BRD4: variants seen among roughly 807,000 people sequenced by gnomAD.
BRD4 encodes bromodomain-containing protein 4.
Under a neutral mutation model 142.1 loss-of-function variants are expected in BRD4, and 16 were observed. That is an observed-to-expected ratio of 0.11 (90% CI 0.08 to 0.17). BRD4 has a LOEUF of 0.17. BRD4 is among the 10% of genes least tolerant of loss of function. The pLI is 1.00. For synonymous variants in BRD4, 833 were observed against 707.5 expected (o/e 1.18, Z -2.82); for missense variants, 1,424 against 1,810.9 (o/e 0.79, Z 3.88).
intron 1 of BRD4, among the ~76,000 whole-genome samples, chr19:15,279,419 T>C (rs1324001687): frequency 3.9e-5 from 6 of 152,186 alleles, no homozygotes; most frequent in Non-Finnish European, 8.8e-5. Context: ...ACTTGCAAAG[T>C]GGATGGCAGC....
chr19:15,310,454 G>T (rs570582874), intron 1 of BRD4, among the ~76,000 whole-genome samples: 2 of 142,334 alleles, frequency 1.4e-5, no homozygotes, highest in Non-Finnish European at 3.0e-5. Flanking sequence ...TCCGCCTCCC[G>T]GGTTCACGCC....
Position 15,264,780 on chromosome 19 carries a change from G to A in BRD4, c.850-14C>T, listed in dbSNP as rs776975610. The A allele has an allele frequency of 3.8e-6, 6 of 1,586,390 alleles. No individual in the cohort carries two copies. The highest frequency in any genetic ancestry group is 4.5e-5 in the East Asian group (2 of 44,454). The stretch of plus-strand genomic sequence containing the variant: ...TCCCTTCTTTGTCTGCCAAGAACAC[G>A]GACGCCAACAGGCACAGTCAGAAGT... On this transcript the variant is annotated splice_polypyrimidine_tract_variant and intron_variant, in intron 5 of 19. Coordinates refer to ENST00000679869, the MANE Select transcript of BRD4 (RefSeq NM_001379291.1).
intron 7 of BRD4, among the ~76,000 whole-genome samples, chr19:15,261,030 T>C (rs1007686341): frequency 2.0e-5 from 3 of 152,182 alleles, no homozygotes; most frequent in Non-Finnish European, 4.4e-5. Context: ...GTTCTTCCTA[T>C]GAGAGTAGAT....
chr19:15,292,794 A>C (rs1184777116), intron 1 of BRD4, among the ~76,000 whole-genome samples: 8 of 28,754 alleles, frequency 2.8e-4, no homozygotes, highest in East Asian at 2.9e-3. Context: ...AAAAAAAAAA[A>C]AAAAAAAAAA....
intron 3 of BRD4, among the ~76,000 whole-genome samples, chr19:15,267,806 G>A (rs1220990265): frequency 6.6e-6 from 1 of 152,162 alleles, no homozygotes; most frequent in Non-Finnish European, 1.5e-5. Context: ...GCCTATCTGA[G>A]AAGCCATCCT....
intron 1 of BRD4, among the ~76,000 whole-genome samples, chr19:15,309,935 C>G (rs2047951981): frequency 6.6e-6 from 1 of 152,148 alleles, no homozygotes; most frequent in Non-Finnish European, 1.5e-5. Flanking sequence ...GCCAATCTGG[C>G]TTCACCGGGG....
chr19:15,236,946 C>G lies in BRD4; in HGVS notation c.*1431G>C, dbSNP rs2047196358. 9.7e-6 allele frequency: 2 copies of G among 206,212 alleles called. No homozygotes were observed. Among genetic ancestry groups the G allele is most frequent in the Non-Finnish European group, 2.0e-5 (2 of 101,476 alleles). 12.8% of individuals were successfully genotyped at this position (206,212 alleles called of 1,614,324 possible). A position where few individuals can be genotyped will look rare whatever the true frequency, so the allele number is the denominator to read the frequency against. On this transcript the variant is annotated 3_prime_UTR_variant, in exon 20 of 20. Transcript: ENST00000679869. ...CTCCAGAGTTTGGCCAACACTGAGGCACCAGCGTCGTGGTGTAGAGTGGGT... is the reference window on the plus strand; with the variant it reads ...CTCCAGAGTTTGGCCAACACTGAGGGACCAGCGTCGTGGTGTAGAGTGGGT...
chr19:15,307,361 G>A (rs2047923219), intron 1 of BRD4, among the ~76,000 whole-genome samples: 1 of 152,146 alleles, frequency 6.6e-6, no homozygotes, highest in African/African-American at 2.4e-5. Flanking sequence ...CAATCTCACT[G>A]ACAGGGAAAC....
intron 8 of BRD4, among the ~76,000 whole-genome samples, chr19:15,256,555 G>A (rs1386297064): frequency 6.6e-6 from 1 of 152,150 alleles, no homozygotes; most frequent in Non-Finnish European, 1.5e-5. Context: ...CATCCTGATC[G>A]CAGAAGGAGG....
intron 1 of BRD4, among the ~76,000 whole-genome samples, chr19:15,323,972 T>A (rs2048086604): frequency 6.6e-6 from 1 of 152,236 alleles, no homozygotes; most frequent in Non-Finnish European, 1.5e-5. Flanking sequence ...GCAGGCACAC[T>A]GATCCCATTT....
intron 1 of BRD4, among the ~76,000 whole-genome samples, chr19:15,305,758 GTATTGAT>G (rs2047908740): frequency 6.6e-6 from 1 of 152,176 alleles, no homozygotes. Context: ...TTGAAGCCAA[GTATTGAT>G]TTTTCTACAG....
At chr19:15,260,931 C>T (rs922189225) in intron 7 of BRD4, among the ~76,000 whole-genome samples, 3 of 152,088 alleles carry the variant, frequency 2.0e-5, no homozygotes, top group Non-Finnish European at 4.4e-5. Flanking sequence ...GGCTAGAACA[C>T]ATCAGAGGGT....
intron 1 of BRD4, among the ~76,000 whole-genome samples, chr19:15,279,695 C>A (rs1308122116): frequency 6.6e-6 from 1 of 152,218 alleles, no homozygotes; most frequent in African/African-American, 2.4e-5. Context: ...AGAAAGACCA[C>A]AAACAACTGC....
intron 6 of BRD4, 136 bp from the exon 7 acceptor site, chr19:15,263,684 G>A: frequency 1.8e-6 from 2 of 1,122,370 alleles, no homozygotes; most frequent in East Asian, 2.5e-5. Context: ...CTCTAGTGGG[G>A]GGACAGGCCA....
chr19:15,303,797 G>A (rs112391011), intron 1 of BRD4, among the ~76,000 whole-genome samples: 16 of 152,208 alleles, frequency 1.1e-4, no homozygotes, highest in African/African-American at 3.9e-4. Context: ...ACCACTTCTC[G>A]ACTGTTTCTG....
chr19:15,293,989 G>C (rs2047804012), intron 1 of BRD4, among the ~76,000 whole-genome samples: 1 of 152,128 alleles, frequency 6.6e-6, no homozygotes, highest in South Asian at 2.1e-4. Context: ...TACATATTTG[G>C]TCTTCACCGT....
chr19:15,240,665 C>T (rs1247823738), intron 14 of BRD4, among the ~76,000 whole-genome samples: 1 of 152,196 alleles, frequency 6.6e-6, no homozygotes, highest in Non-Finnish European at 1.5e-5. Context: ...ACACCTGCAT[C>T]CAACCCAAGG....
intron 1 of BRD4, among the ~76,000 whole-genome samples, chr19:15,300,756 TC>T (rs759121931): frequency 2.0e-5 from 3 of 152,038 alleles, no homozygotes; most frequent in Non-Finnish European, 4.4e-5. Flanking sequence ...ATCCACTGCT[TC>T]CCACCCCTAA....
chr19:15,317,782 A>G (rs2048029258), intron 1 of BRD4, among the ~76,000 whole-genome samples: 1 of 152,212 alleles, frequency 6.6e-6, no homozygotes, highest in East Asian at 1.9e-4. Context: ...CGCAACTCAA[A>G]AGGGCCCAAT....
Sources: allele counts gnomAD v4.1 joint callset (sites outside exome capture counted in the v4.1 genomes callset), GRCh38; gene constraint gnomAD v4.1.1; transcripts MANE v1.5; gene names NCBI Gene and HGNC (gene_info 2026-07-23, HGNC 2026-07-21).